Variants in LHFPL3 observed in about 807,000 individuals in gnomAD.
The protein encoded by LHFPL3 is LHFPL tetraspan subfamily member 3, also known as LHFPL tetraspan subfamily member 3 protein.
A neutral mutation model predicts 19.3 loss-of-function variants in LHFPL3; 5 were observed. That is an observed-to-expected ratio of 0.26 (90% CI 0.14 to 0.54). LHFPL3 has a LOEUF of 0.54. LHFPL3 is among the 20% of genes least tolerant of loss of function. The pLI is 0.94. For synonymous variants in LHFPL3, 133 were observed against 126.2 expected, an observed-to-expected ratio of 1.05 and a Z score of -0.36; for missense variants, 249 against 307.4, an observed-to-expected ratio of 0.81 and a Z score of 1.42.
chr7:104,724,446 C>T lies in LHFPL3; in HGVS notation c.446-12229C>T, dbSNP rs143759476. On this transcript the variant is annotated intron_variant, in intron 1 of 2. Coordinates refer to ENST00000424859, the MANE Select transcript of LHFPL3 (RefSeq NM_199000.3). ...CAATGGCCATCTAAAGTTTTAAAAG[C>T]TTTTAAGTGCAATTGTGTGTTTTTT... Among the ~76,000 whole-genome samples, 5 of 152,248 alleles carry T rather than the reference C, an allele frequency of 3.3e-5. No individual in the cohort carries two copies. The East Asian group carries it at 9.6e-4, about 29-fold the overall frequency.
chr7:104,652,296 C>T (rs1382870506), intron 1 of LHFPL3, among the ~76,000 whole-genome samples: 1 of 152,126 alleles, frequency 6.6e-6, no homozygotes, highest in Admixed American at 6.5e-5. Context: ...CAGGGGACAC[C>T]AGCATTGAAG....
intron 1 of LHFPL3, among the ~76,000 whole-genome samples, chr7:104,502,627 C>T (rs188779922): frequency 1.3e-5 from 2 of 152,214 alleles, no homozygotes; most frequent in Admixed American, 1.3e-4. Context: ...TCTACCTGCC[C>T]CCCATCACAC....
intron 1 of LHFPL3, among the ~76,000 whole-genome samples, chr7:104,479,744 C>G (rs538247687): frequency 6.6e-6 from 1 of 152,306 alleles, no homozygotes; most frequent in East Asian, 1.9e-4. Flanking sequence ...GGGTTCAGCC[C>G]CTACACTGTC....
intron 1 of LHFPL3, among the ~76,000 whole-genome samples, chr7:104,578,808 G>A (rs529472445): frequency 6.6e-6 from 1 of 152,276 alleles, no homozygotes; most frequent in Admixed American, 6.5e-5. Flanking sequence ...CAGGCCATCA[G>A]ATAAAGTCAG....
intron 1 of LHFPL3, among the ~76,000 whole-genome samples, chr7:104,532,720 G>GA (rs1016439301): frequency 3.3e-5 from 5 of 151,890 alleles, no homozygotes; most frequent in Non-Finnish European, 1.5e-5. Flanking sequence ...CTCTGAAGGG[G>GA]AAAAAATAGA....
At chr7:104,468,349 C>T (rs765956129) in intron 1 of LHFPL3, among the ~76,000 whole-genome samples, 7 of 152,166 alleles carry the variant, frequency 4.6e-5, no homozygotes, top group South Asian at 2.1e-4. Context: ...TCTAGAAATG[C>T]GATTTTTAAT....
chr7:104,807,011 A>ATGTGTGTGTGTG (rs10665231), intron 2 of LHFPL3, among the ~76,000 whole-genome samples: 3,880 of 139,670 alleles, frequency 0.028, 78 homozygotes, highest in Non-Finnish European at 0.038. Flanking sequence ...CAAAATATAT[A>ATGTGTGTGTGTG]TGTGTGTGTG....
At position 104,907,803 on chromosome 7, in the gene LHFPL3, T is replaced by C. The variant is rs1216200336; in HGVS notation, c.*1588T>C. Among the ~76,000 whole-genome samples, 2 of 152,232 alleles carry C rather than the reference T, an allele frequency of 1.3e-5. No individual in the cohort carries two copies. The highest frequency in any genetic ancestry group is 4.8e-5 in the African/African-American group (2 of 41,474). The stretch of plus-strand genomic sequence containing the variant: ...CTCTGTTAGGACCACATTCCTATTT[T>C]AGCCAAATGTTTCTGGTACGGGCCA... On this transcript the variant is annotated 3_prime_UTR_variant, in exon 3 of 3. Transcript: ENST00000424859.
At chr7:104,760,704 C>T (rs1424338498) in intron 2 of LHFPL3, among the ~76,000 whole-genome samples, 1 of 152,018 alleles carries the variant, frequency 6.6e-6, no homozygotes, top group Non-Finnish European at 1.5e-5. Context: ...GTATTTTAAC[C>T]ACCGATGCTA....
intron 1 of LHFPL3, among the ~76,000 whole-genome samples, chr7:104,368,397 T>C (rs1252756203): frequency 2.6e-5 from 4 of 152,168 alleles, no homozygotes; most frequent in Non-Finnish European, 5.9e-5. Context: ...ACTTTTAAGA[T>C]TGATTTTAGC....
At chr7:104,742,317 G>T (rs986549895) in intron 2 of LHFPL3, among the ~76,000 whole-genome samples, 1 of 152,090 alleles carries the variant, frequency 6.6e-6, no homozygotes, top group South Asian at 2.1e-4. Context: ...CAATTTTAAA[G>T]TTACTTTGTC....
chr7:104,892,218 C>A (rs527963182), intron 2 of LHFPL3, among the ~76,000 whole-genome samples: 1 of 152,284 alleles, frequency 6.6e-6, no homozygotes, highest in East Asian at 1.9e-4. Context: ...ATCTCCTAAT[C>A]ACTCTCTTAG....
At chr7:104,814,586 T>C (rs1258485181) in intron 2 of LHFPL3, among the ~76,000 whole-genome samples, 1 of 152,124 alleles carries the variant, frequency 6.6e-6, no homozygotes, top group African/African-American at 2.4e-5. Context: ...GGGGCCTCAC[T>C]GGGGACCTGC....
At chr7:104,885,230 C>T (rs192121056) in intron 2 of LHFPL3, among the ~76,000 whole-genome samples, 2 of 152,336 alleles carry the variant, frequency 1.3e-5, no homozygotes, top group African/African-American at 2.4e-5. Flanking sequence ...CTCTTTGGGG[C>T]TCCCAAACCA....
chr7:104,466,832 G>C (rs1478864309), intron 1 of LHFPL3, among the ~76,000 whole-genome samples: 1 of 152,136 alleles, frequency 6.6e-6, no homozygotes, highest in Non-Finnish European at 1.5e-5. Context: ...CATAGCATTT[G>C]CCCAGAATCA....
intron 1 of LHFPL3, among the ~76,000 whole-genome samples, chr7:104,689,760 G>A (rs976272892): frequency 1.2e-4 from 19 of 152,156 alleles, no homozygotes; most frequent in Admixed American, 9.2e-4. Context: ...TATCATTGTG[G>A]TCCTCCAGTT....
At chr7:104,676,881 G>A (rs1792602633) in intron 1 of LHFPL3, among the ~76,000 whole-genome samples, 1 of 152,142 alleles carries the variant, frequency 6.6e-6, no homozygotes, top group African/African-American at 2.4e-5. Flanking sequence ...TGGAAATTCT[G>A]ATTCTAGAGG....
At chr7:104,602,837 A>G (rs1790995214) in intron 1 of LHFPL3, among the ~76,000 whole-genome samples, 1 of 152,298 alleles carries the variant, frequency 6.6e-6, no homozygotes, top group East Asian at 1.9e-4. Context: ...GTGTCATCCC[A>G]TGGCAGAAGG....
At chr7:104,523,019 TA>T (rs1562924939) in intron 1 of LHFPL3, among the ~76,000 whole-genome samples, 1 of 151,934 alleles carries the variant, frequency 6.6e-6, no homozygotes, top group African/African-American at 2.4e-5. Context: ...TATATGCACA[TA>T]TATACATATA....
Sources: allele counts gnomAD v4.1 joint callset (sites outside exome capture counted in the v4.1 genomes callset), GRCh38; gene constraint gnomAD v4.1.1; transcripts MANE v1.5; gene names NCBI Gene and HGNC (gene_info 2026-07-23, HGNC 2026-07-21).